SPECC1L: variants seen among roughly 807,000 people sequenced by gnomAD.
SPECC1L encodes sperm antigen with calponin homology and coiled-coil domains 1 like, also known as cytospin-A.
Under a neutral mutation model 116.8 loss-of-function variants are expected in SPECC1L, and 40 were observed. The observed-to-expected ratio is 0.34, with a 90% CI of 0.27 to 0.45. The LOEUF (loss-of-function observed/expected upper bound fraction) is 0.45. Ranked by LOEUF, SPECC1L falls within the 20% of genes least tolerant of loss-of-function variation. The pLI, the probability that SPECC1L is intolerant of heterozygous loss-of-function variation, is 1.00. For synonymous variants in SPECC1L, 504 were observed against 500.6 expected (o/e 1.01, Z -0.09); for missense variants, 1,110 against 1,373.6 (o/e 0.81, Z 3.03).
At chr22:24,389,073 TG>T (rs1317421421) in intron 14 of SPECC1L, among the ~76,000 whole-genome samples, 1 of 151,566 alleles carries the variant, frequency 6.6e-6, no homozygotes, top group Admixed American at 6.6e-5. Flanking sequence ...TTCTTCCACG[TG>T]GCATGTGTTA....
At chr22:24,316,445 C>T (rs2040567552) in intron 4 of SPECC1L, among the ~76,000 whole-genome samples, 1 of 151,040 alleles carries the variant, frequency 6.6e-6, no homozygotes, top group Non-Finnish European at 1.5e-5. Context: ...GTGTTTGTGT[C>T]CCTGGGTACT....
intron 4 of SPECC1L, among the ~76,000 whole-genome samples, chr22:24,317,369 A>T (rs1216648932): frequency 4.3e-5 from 4 of 93,544 alleles, no homozygotes; most frequent in Admixed American, 1.2e-4. Flanking sequence ...GGGGCTCCTC[A>T]CTTCCCAGTA....
chr22:24,400,214 T>C (rs8140713), intron 14 of SPECC1L, among the ~76,000 whole-genome samples: 4 of 152,378 alleles, frequency 2.6e-5, no homozygotes, highest in African/African-American at 9.6e-5. Flanking sequence ...GGAAACCACC[T>C]ACCCATTCAT....
At chr22:24,395,938 A>G (rs748846500) in intron 14 of SPECC1L, among the ~76,000 whole-genome samples, 6 of 152,280 alleles carry the variant, frequency 3.9e-5, no homozygotes, top group South Asian at 2.1e-4. Flanking sequence ...GGTGTGAGCC[A>G]CCAAGCCTGG....
At chr22:24,345,406 A>G (rs1288797492) in intron 10 of SPECC1L, among the ~76,000 whole-genome samples, 1 of 152,248 alleles carries the variant, frequency 6.6e-6, no homozygotes, top group Non-Finnish European at 1.5e-5. Context: ...GCAAACATTT[A>G]TTAAGATATA....
At chr22:24,271,184 G>A (rs928849077) in intron 1 of SPECC1L, among the ~76,000 whole-genome samples, 5 of 152,258 alleles carry the variant, frequency 3.3e-5, no homozygotes, top group Non-Finnish European at 5.9e-5. Context: ...GGGCTTCGGG[G>A]CTTCTGGAAC....
chr22:24,276,748 C>G lies in SPECC1L; in HGVS notation c.-93C>G, dbSNP rs1569399268. The G allele has an allele frequency of 2.2e-6, 1 of 453,612 alleles. No homozygotes were observed. Among genetic ancestry groups the G allele is most frequent in the Non-Finnish European group, 4.4e-6 (1 of 226,608 alleles). 28.1% of individuals were successfully genotyped at this position (453,612 alleles called of 1,614,324 possible). ...AAGCCATTTTCCAGTGGCACCTCTT[C>G]CATCATGAGTTCCTGAGGCAGTCCG... On this transcript the variant is annotated 5_prime_UTR_variant, in exon 2 of 17. Transcript: ENST00000314328.
intron 14 of SPECC1L, among the ~76,000 whole-genome samples, chr22:24,380,271 A>G (rs1400296833): frequency 2.6e-5 from 4 of 152,256 alleles, no homozygotes; most frequent in Non-Finnish European, 2.9e-5. Flanking sequence ...CTGTCTAGCT[A>G]TAAATGGATG....
intron 14 of SPECC1L, among the ~76,000 whole-genome samples, chr22:24,387,391 G>T (rs963836097): frequency 3.9e-5 from 6 of 152,096 alleles, no homozygotes; most frequent in Admixed American, 3.9e-4. Flanking sequence ...TATCTTTAGG[G>T]GAACTGAGGG....
In SPECC1L at chr22:24,326,846, A is replaced by G. The variant is rs575919647; in HGVS notation, c.2147-2000A>G. On this transcript the variant is annotated intron_variant, in intron 6 of 16. Transcript: ENST00000314328. ...CCTACCAGAATTGCCCCTGCCGCCAACGTTTTATCCCATTTATTTCTGATC... is the reference window on the plus strand; with the variant it reads ...CCTACCAGAATTGCCCCTGCCGCCAGCGTTTTATCCCATTTATTTCTGATC... Among the ~76,000 whole-genome samples the G allele has an allele frequency of 2.6e-5, 4 of 152,308 alleles. No individual in the cohort carries two copies. In the East Asian group the frequency reaches 7.7e-4, roughly 29 times the overall value.
At chr22:24,334,325 T>G in intron 8 of SPECC1L, 85 bp from the exon 9 acceptor site, 1 of 1,466,104 alleles carries the variant, frequency 6.8e-7, no homozygotes. Flanking sequence ...AAACTGATAG[T>G]TTTTAATGCC....
At chr22:24,384,814 C>T (rs1360746288) in intron 14 of SPECC1L, among the ~76,000 whole-genome samples, 3 of 152,140 alleles carry the variant, frequency 2.0e-5, no homozygotes, top group Admixed American at 6.5e-5. Context: ...CGGTGGCTCA[C>T]GCCTGTAATC....
At chr22:24,307,249 G>A (rs564734118) in intron 3 of SPECC1L, among the ~76,000 whole-genome samples, 2 of 152,306 alleles carry the variant, frequency 1.3e-5, no homozygotes, top group South Asian at 4.2e-4. Context: ...GCTGCTAGCA[G>A]CTACACCATT....
chr22:24,319,078 T>C (rs374308350), intron 4 of SPECC1L, among the ~76,000 whole-genome samples: 2 of 152,334 alleles, frequency 1.3e-5, no homozygotes, highest in African/African-American at 4.8e-5. Context: ...TTTTACCTCA[T>C]TGATCTACCT....
chr22:24,356,495 C>T (rs1268579206), intron 11 of SPECC1L, among the ~76,000 whole-genome samples: 1 of 152,068 alleles, frequency 6.6e-6, no homozygotes, highest in East Asian at 1.9e-4. Flanking sequence ...CCTACTCCAA[C>T]CTTCTGTTAG....
At chr22:24,403,766 G>C (rs1175530887) in intron 14 of SPECC1L, among the ~76,000 whole-genome samples, 3 of 152,210 alleles carry the variant, frequency 2.0e-5, no homozygotes, top group Non-Finnish European at 4.4e-5. Flanking sequence ...CTCGTAAGAA[G>C]GGATATCTGT....
intron 6 of SPECC1L, among the ~76,000 whole-genome samples, chr22:24,325,389 G>GA (rs541632416): frequency 8.7e-5 from 13 of 150,196 alleles, no homozygotes; most frequent in African/African-American, 2.4e-4. Context: ...TTGTTTCCAG[G>GA]AAAAAAAAAT....
At chr22:24,319,817 A>G (rs2040683901) in intron 4 of SPECC1L, among the ~76,000 whole-genome samples, 1 of 152,208 alleles carries the variant, frequency 6.6e-6, no homozygotes, top group Non-Finnish European at 1.5e-5. Context: ...TGTTACCTCT[A>G]CAGCCTGGAT....
intron 9 of SPECC1L, among the ~76,000 whole-genome samples, chr22:24,335,431 A>G (rs1317632018): frequency 6.6e-6 from 1 of 152,206 alleles, no homozygotes; most frequent in Non-Finnish European, 1.5e-5. Flanking sequence ...CAGGTTCTGA[A>G]TCAAGCTGGG....
Sources: gnomAD v4.1 joint callset for allele counts (sites outside exome capture counted in the v4.1 genomes callset) on GRCh38, gnomAD v4.1.1 for gene constraint, MANE v1.5 for transcripts, NCBI Gene and HGNC (gene_info 2026-07-23, HGNC 2026-07-21) for gene names.